Variants in F10 observed in about 807,000 individuals in gnomAD.
The protein encoded by F10 is coagulation factor X.
F10 carries 29 observed loss-of-function variants against 37.1 expected under a neutral mutation model. That is an observed-to-expected ratio of 0.78 (90% CI 0.58 to 1.07). The LOEUF is 1.07. F10 is among the 50% of genes least tolerant of loss of function. The pLI is 0.00. For missense variants in F10, 539 were observed against 667.9 expected (o/e 0.81, Z 2.13); for synonymous variants, 262 against 268.6 (o/e 0.98, Z 0.24).
At position 113,141,040 on chromosome 13, in the gene F10, C is replaced by T. The variant is rs929381902; in HGVS notation, c.492C>T (p.Cys164=). Residue 164 remains cysteine, a synonymous_variant, in exon 5 of 8, where the codon TGC becomes TGT. Coordinates refer to ENST00000375559, the MANE Select transcript of F10 (RefSeq NM_000504.4). This position sits in a 1 kb window ranked among gnomAD's most constrained non-coding sequence, Gnocchi z 5.4. ...CCCTGGCTGACAACGGCAAGGCCTG[C>T]ATTCCCACAGGTAGGAGGCACGTTG... ...GYTLADNGKA[C]IPTGPYPCGK... The T allele has an allele frequency of 5.6e-6, 9 of 1,613,646 alleles. No homozygotes were observed. The African/African-American group carries it at 6.7e-5, about 12-fold the overall frequency.
chr13:113,127,267 T>C (rs2036379356), intron 1 of F10, among the ~76,000 whole-genome samples: 1 of 152,214 alleles, frequency 6.6e-6, no homozygotes, highest in Non-Finnish European at 1.5e-5. Context: ...AGTCTTGTTT[T>C]AAATTTTGGA....
In F10 at chr13:113,148,356, ATATATATGTATATATATATGTG is replaced by A. The variant is rs1299629029; in HGVS notation, c.866-552_866-531del. On this transcript the variant is annotated intron_variant, in intron 7 of 7. Coordinates refer to ENST00000375559, the MANE Select transcript of F10 (RefSeq NM_000504.4). The stretch of plus-strand genomic sequence containing the variant: ...AAAAAAAAAAAAAAAATATATATAT[ATATATATGTATATATATATGTG>A]TATATATATATACATATATATACAC... Among the ~76,000 whole-genome samples the A allele has an allele frequency of 5.0e-5, 5 of 99,108 alleles. No homozygotes were observed. The East Asian group carries it at 1.5e-3, about 31-fold the overall frequency. The allele number at this position is 99,108 out of a possible 152,430, so 65.0% of individuals were successfully genotyped here.
intron 1 of F10, among the ~76,000 whole-genome samples, chr13:113,129,065 TG>T (rs1378126452): frequency 6.6e-6 from 1 of 152,196 alleles, no homozygotes; most frequent in Admixed American, 6.5e-5. Flanking sequence ...GCCTGCTATA[TG>T]TCATGTGATC....
chr13:113,123,643 G>A lies in F10; in HGVS notation c.70+718G>A, dbSNP rs568220148. ...GGGGCACCAAGGGGACCCAGGCCTGGGAAGGGAATGTGTGAGGGAGAGACG... is the reference window on the plus strand; with the variant it reads ...GGGGCACCAAGGGGACCCAGGCCTGAGAAGGGAATGTGTGAGGGAGAGACG... On this transcript the variant is annotated intron_variant, in intron 1 of 7. Coordinates refer to ENST00000375559, the MANE Select transcript of F10 (RefSeq NM_000504.4). 1.5e-3 allele frequency among the ~76,000 whole-genome samples: 224 copies of A among 152,302 alleles called. 1 individual carries two copies. The highest frequency in any genetic ancestry group is 5.3e-3 in the African/African-American group (219 of 41,560).
Position 113,149,296 on chromosome 13 carries a change from CA to C in F10, c.1247del (p.Gln416ArgfsTer18). On this transcript the variant is annotated frameshift_variant, in exon 8 of 8. Transcript: ENST00000375559. LOFTEE classifies it low-confidence loss of function (END_TRUNC). This position sits in a 1 kb window ranked among gnomAD's most constrained non-coding sequence, Gnocchi z 7.5. ...GYDTKQEDAC[Q>X]GDSGGPHVTR... Reference sequence around the variant, plus strand: ...CGACACCAAGCAGGAGGATGCCTGCCAGGGGGACAGCGGGGGCCCGCACGTC... The same window carrying C: ...CGACACCAAGCAGGAGGATGCCTGCCGGGGGACAGCGGGGGCCCGCACGTC... The C allele has an allele frequency of 1.9e-6, 3 of 1,613,228 alleles. No individual in the cohort carries two copies. The highest frequency in any genetic ancestry group is 1.7e-6 in the Non-Finnish European group (2 of 1,180,044).
intron 2 of F10, among the ~76,000 whole-genome samples, chr13:113,138,084 A>T (rs2036495742): frequency 6.6e-6 from 1 of 152,244 alleles, no homozygotes; most frequent in Non-Finnish European, 1.5e-5. Context: ...ATGACTATTG[A>T]CAAGCACGTG....
chr13:113,146,103 C>A lies in F10; in HGVS notation c.748-1276C>A, dbSNP rs1050190042. Reference sequence around the variant, plus strand: ...GTGTGGCGGGTGAGCCTCTGTCTAACTATAAAGAGCCAAGCGAGAGAGGGA... The same window carrying A: ...GTGTGGCGGGTGAGCCTCTGTCTAAATATAAAGAGCCAAGCGAGAGAGGGA... On this transcript the variant is annotated intron_variant, in intron 6 of 7. Transcript: ENST00000375559. The surrounding 1 kb of genome is among the most constrained non-coding windows in gnomAD (Gnocchi z 4.5). 7.2e-5 allele frequency among the ~76,000 whole-genome samples: 11 copies of A among 152,178 alleles called. No individual in the cohort carries two copies. The highest frequency in any genetic ancestry group is 1.3e-4 in the Non-Finnish European group (9 of 68,038).
At position 113,149,146 on chromosome 13, in the gene F10, C is replaced by G. The variant is rs104894392; in HGVS notation, c.1096C>G (p.Arg366Gly). Residue 366 changes from arginine to glycine, a missense_variant, in exon 8 of 8, where the codon CGC (arginine) becomes GGC (glycine). By Grantham distance (125) the Arg-to-Gly change is moderately radical. Transcript: ENST00000375559. This position sits in a 1 kb window ranked among gnomAD's most constrained non-coding sequence, Gnocchi z 7.5. ...GACGGGGATTGTGAGCGGCTTCGGG[C>G]GCACCCACGAGAAGGGCCGGCAGTC... ...QKTGIVSGFG[R>G]THEKGRQSTR... 7 of 1,612,792 alleles carry G rather than the reference C, an allele frequency of 4.3e-6. No individual in the cohort carries two copies. Among genetic ancestry groups the G allele is most frequent in the African/African-American group, 1.3e-5 (1 of 74,922 alleles).
Position 113,143,794 on chromosome 13 carries a change from C to T in F10, c.503-57C>T, listed in dbSNP as rs189732792. 4,027 of 1,603,222 alleles carry T rather than the reference C, an allele frequency of 2.5e-3. 101 individuals carry two copies. The Admixed American group carries it at 0.052, about 21-fold the overall frequency. ...CTCTTCTCCCTCAGGGTGAGCTGTG[C>T]AGGCTATGGGGAGCCTCTCTCTGTG... On this transcript the variant is annotated intron_variant, in intron 5 of 7. Transcript: ENST00000375559. This position sits in a 1 kb window ranked among gnomAD's most constrained non-coding sequence, Gnocchi z 6.8.
chr13:113,136,047 A>G (rs140494228), intron 2 of F10, among the ~76,000 whole-genome samples: 34 of 152,346 alleles, frequency 2.2e-4, no homozygotes, highest in Admixed American at 2.1e-3. Context: ...AACAGATCAG[A>G]AGAAGAAAAT....
At chr13:113,140,333 G>A (rs2036516022) in intron 4 of F10, among the ~76,000 whole-genome samples, 1 of 151,814 alleles carries the variant, frequency 6.6e-6, no homozygotes, top group African/African-American at 2.4e-5. Flanking sequence ...CGCCCGCTTC[G>A]ACCTCCCAAA....
At chr13:113,123,797 G>C (rs2036344057) in intron 1 of F10, among the ~76,000 whole-genome samples, 1 of 152,094 alleles carries the variant, frequency 6.6e-6, no homozygotes, top group African/African-American at 2.4e-5. Context: ...ATCACACGGG[G>C]GTCTTCTCCA....
intron 1 of F10, among the ~76,000 whole-genome samples, chr13:113,123,675 G>A (rs1201729475): frequency 6.6e-6 from 1 of 152,174 alleles, no homozygotes; most frequent in Non-Finnish European, 1.5e-5. Flanking sequence ...GACGGAGCAG[G>A]GGGAGACCCT....
rs2036554733 is a variant in F10, at chr13:113,143,776, C to T, written c.503-75C>T. On this transcript the variant is annotated intron_variant, in intron 5 of 7. Transcript: ENST00000375559. The surrounding 1 kb of genome is among the most constrained non-coding windows in gnomAD (Gnocchi z 6.8). ...TGCCTCCCGGCTCTCTGACTCTTCT[C>T]CCTCAGGGTGAGCTGTGCAGGCTAT... 3 of 1,597,704 alleles carry T rather than the reference C, an allele frequency of 1.9e-6. No individual in the cohort carries two copies. Among genetic ancestry groups the T allele is most frequent in the Non-Finnish European group, 2.5e-6 (3 of 1,178,158 alleles).
chr13:113,137,094 A>G (rs916970056), intron 2 of F10, among the ~76,000 whole-genome samples: 1 of 152,236 alleles, frequency 6.6e-6, no homozygotes. Flanking sequence ...CAGCAACTCT[A>G]TTCTTAATTG....
Position 113,144,359 on chromosome 13 carries a change from A to C in F10, c.747+264A>C. 1 of 574,414 alleles carries C rather than the reference A, an allele frequency of 1.7e-6. No individual in the cohort carries two copies. The highest frequency in any genetic ancestry group is 3.1e-6 in the Non-Finnish European group (1 of 321,650). 35.6% of individuals were successfully genotyped at this position (574,414 alleles called of 1,614,324 possible). On this transcript the variant is annotated intron_variant, in intron 6 of 7. Coordinates refer to ENST00000375559, the MANE Select transcript of F10 (RefSeq NM_000504.4). The surrounding 1 kb of genome is among the most constrained non-coding windows in gnomAD (Gnocchi z 6.4). ...CCCCCTCAGCCCCTTCCCACTGGGC[A>C]TTTCCATGGCTGCCCGTGGCATGCC...
intron 4 of F10, 151 bp from the exon 5 acceptor site, chr13:113,140,768 G>T: frequency 8.5e-7 from 1 of 1,176,458 alleles, no homozygotes; most frequent in Non-Finnish European, 1.3e-6. Flanking sequence ...GCCCTTCAAG[G>T]CAAGTGTACC....
At chr13:113,148,345 A>AAAT (rs1300922846) in intron 7 of F10, among the ~76,000 whole-genome samples, 17 of 95,412 alleles carry the variant, frequency 1.8e-4, no homozygotes, top group African/African-American at 6.3e-4. Context: ...AAAAAAAAAA[A>AAAT]ATATATATAT....
Position 113,149,273 on chromosome 13 carries a change from A to T in F10, c.1223A>T (p.Asp408Val), listed in dbSNP as rs2036616621. Residue 408 changes from aspartate to valine, a missense_variant, in exon 8 of 8, where the codon GAC (aspartate) becomes GTC (valine). Transcript: ENST00000375559. The surrounding 1 kb of genome is among the most constrained non-coding windows in gnomAD (Gnocchi z 7.5). ...CAGAACATGTTCTGTGCCGGCTACG[A>T]CACCAAGCAGGAGGATGCCTGCCAG... ...ITQNMFCAGY[D>V]TKQEDACQGD... 1 of 1,613,192 alleles carries T rather than the reference A, an allele frequency of 6.2e-7. No individual in the cohort carries two copies. Among genetic ancestry groups the T allele is most frequent in the East Asian group, 2.2e-5 (1 of 44,874 alleles).
Sources: allele counts gnomAD v4.1 joint callset (sites outside exome capture counted in the v4.1 genomes callset), GRCh38; gene constraint gnomAD v4.1.1; non-coding constraint Gnocchi (gnomAD v3.1); transcripts MANE v1.5; gene names NCBI Gene and HGNC (gene_info 2026-07-23, HGNC 2026-07-21).